The following GABRG3 variants were observed in gnomAD, a reference collection of about 807,000 sequenced individuals.
GABRG3 encodes the protein gamma-aminobutyric acid type A receptor subunit gamma3, also known as gamma-aminobutyric acid receptor subunit gamma-3.
GABRG3 carries 25 observed loss-of-function variants against 48.8 expected under a neutral mutation model. The observed-to-expected ratio is 0.51, with a 90% CI of 0.37 to 0.72. The LOEUF (loss-of-function observed/expected upper bound fraction) is 0.72. Among genes scored for constraint, GABRG3 ranks in the 30% least tolerant of loss-of-function variants. The probability of loss-of-function intolerance (pLI) is 0.00; values close to 1 mark genes in which losing one functional copy is unlikely to be tolerated. For missense variants in GABRG3, 394 were observed against 577.9 expected, an observed-to-expected ratio of 0.68 and a Z score of 3.26; for synonymous variants, 227 against 217.6, an observed-to-expected ratio of 1.04 and a Z score of -0.38.
chr15:27,391,212 A>T (rs901688794), intron 5 of GABRG3, among the ~76,000 whole-genome samples: 1 of 152,188 alleles, frequency 6.6e-6, no homozygotes, highest in Non-Finnish European at 1.5e-5. Flanking sequence ...TTAATATTTT[A>T]TAGGCTTTAT....
chr15:27,520,142 T>C lies in GABRG3; in HGVS notation c.865+18T>C. Reference sequence around the variant, plus strand: ...AGCATTAGGTGAGTTTCAAAAAATCTCTTCCACAAATTTGCGTAATTGTAA... The same window carrying C: ...AGCATTAGGTGAGTTTCAAAAAATCCCTTCCACAAATTTGCGTAATTGTAA... On this transcript the variant is annotated intron_variant, in intron 7 of 9. Transcript: ENST00000615808. 6.3e-7 allele frequency: 1 copy of C among 1,584,430 alleles called. No homozygotes were observed.
rs974914783 is a variant in GABRG3, at chr15:27,230,787, G to A, written c.271-96022G>A. 1.5e-4 allele frequency among the ~76,000 whole-genome samples: 22 copies of A among 147,422 alleles called. No individual in the cohort carries two copies. The East Asian group carries it at 3.6e-3, about 24-fold the overall frequency. The stretch of plus-strand genomic sequence containing the variant: ...TACTTTTGGTATTAAGCCACCAAAC[G>A]ACTTAGCTCAGAAAAAAAAATTAAG... On this transcript the variant is annotated intron_variant, in intron 3 of 9. Coordinates refer to ENST00000615808, the MANE Select transcript of GABRG3 (RefSeq NM_033223.5).
intron 3 of GABRG3, among the ~76,000 whole-genome samples, chr15:27,229,884 CT>C (rs1424565859): frequency 1.3e-5 from 2 of 152,102 alleles, no homozygotes; most frequent in South Asian, 4.2e-4. Flanking sequence ...TATTCAGGCT[CT>C]TTTTTTGGTT....
chr15:27,454,890 G>A (rs1294497252), intron 5 of GABRG3, among the ~76,000 whole-genome samples: 1 of 152,140 alleles, frequency 6.6e-6, no homozygotes, highest in African/African-American at 2.4e-5. Context: ...ATTCAGTTCT[G>A]TACCAAATCT....
At chr15:26,995,012 T>A (rs1306580745) in intron 2 of GABRG3, among the ~76,000 whole-genome samples, 3 of 152,078 alleles carry the variant, frequency 2.0e-5, no homozygotes, top group Non-Finnish European at 4.4e-5. Context: ...TTCTTGTTGA[T>A]CTTCTGTCTA....
chr15:27,283,860 G>A (rs1277669457), intron 3 of GABRG3, among the ~76,000 whole-genome samples: 1 of 152,120 alleles, frequency 6.6e-6, no homozygotes. Context: ...AATTATGAGT[G>A]TAATATCCAG....
At chr15:27,031,121 G>A (rs917229978) in intron 3 of GABRG3, among the ~76,000 whole-genome samples, 8 of 151,246 alleles carry the variant, frequency 5.3e-5, no homozygotes, top group African/African-American at 9.7e-5. Flanking sequence ...TTAACATCTT[G>A]CATTAGTGTA....
intron 3 of GABRG3, among the ~76,000 whole-genome samples, chr15:27,290,385 T>C (rs1025879389): frequency 2.6e-5 from 4 of 151,878 alleles, no homozygotes; most frequent in African/African-American, 7.3e-5. Flanking sequence ...TAAAATGATT[T>C]TCTTTTAAAG....
chr15:27,040,189 C>T (rs956646035), intron 3 of GABRG3, among the ~76,000 whole-genome samples: 1 of 152,200 alleles, frequency 6.6e-6, no homozygotes, highest in Non-Finnish European at 1.5e-5. Context: ...TTGCTGTGTT[C>T]GGGGTGGCCC....
intron 3 of GABRG3, among the ~76,000 whole-genome samples, chr15:27,292,022 G>A (rs1469119877): frequency 2.0e-5 from 3 of 152,154 alleles, no homozygotes; most frequent in African/African-American, 7.2e-5. Context: ...CCACTTATGA[G>A]TGAGAACATG....
intron 6 of GABRG3, among the ~76,000 whole-genome samples, chr15:27,488,338 G>A (rs1489594756): frequency 2.0e-5 from 3 of 152,304 alleles, no homozygotes; most frequent in Admixed American, 6.5e-5. Flanking sequence ...ATTGTACTGT[G>A]ATTGTAACCA....
intron 3 of GABRG3, among the ~76,000 whole-genome samples, chr15:27,251,449 G>C (rs1268269807): frequency 6.6e-6 from 1 of 152,136 alleles, no homozygotes; most frequent in Non-Finnish European, 1.5e-5. Flanking sequence ...AGAATACATG[G>C]AGAGTCCAAT....
intron 9 of GABRG3, chr15:27,530,621 C>T (rs1480570014): frequency 4.2e-6 from 2 of 471,010 alleles, no homozygotes; most frequent in Non-Finnish European, 4.4e-6. Flanking sequence ...CAGAAGCCAT[C>T]CTGCTGCCCT....
At position 27,266,906 on chromosome 15, in the gene GABRG3, A is replaced by C. The variant is rs1045111258; in HGVS notation, c.271-59903A>C. Among the ~76,000 whole-genome samples the C allele has an allele frequency of 3.3e-5, 5 of 152,038 alleles. No homozygotes were observed. The South Asian group carries it at 8.3e-4, about 25-fold the overall frequency. ...AAACTTTGCTAATACCTTTCTTTAT[A>C]GTTTGCATAAGTAATTATATCATCT... is the stretch of plus-strand genomic sequence containing the variant. On this transcript the variant is annotated intron_variant, in intron 3 of 9. Coordinates refer to ENST00000615808, the MANE Select transcript of GABRG3 (RefSeq NM_033223.5).
At chr15:27,345,372 G>A (rs1373273757) in intron 5 of GABRG3, among the ~76,000 whole-genome samples, 1 of 152,100 alleles carries the variant, frequency 6.6e-6, no homozygotes, top group Admixed American at 6.5e-5. Context: ...AATATTAGTA[G>A]TTGCTTTAAA....
At chr15:27,243,069 G>A (rs1382166369) in intron 3 of GABRG3, among the ~76,000 whole-genome samples, 2 of 152,258 alleles carry the variant, frequency 1.3e-5, no homozygotes, top group East Asian at 1.9e-4. Context: ...GACCCGTAGC[G>A]TTTTGATCTC....
At chr15:27,279,465 T>A (rs1013124113) in intron 3 of GABRG3, among the ~76,000 whole-genome samples, 1 of 145,678 alleles carries the variant, frequency 6.9e-6, no homozygotes, top group East Asian at 2.0e-4. Flanking sequence ...AGTTTTAGGT[T>A]CATTTTTTTC....
At chr15:26,995,496 CTA>C (rs893803350) in intron 2 of GABRG3, among the ~76,000 whole-genome samples, 3 of 149,918 alleles carry the variant, frequency 2.0e-5, no homozygotes, top group African/African-American at 7.3e-5. Flanking sequence ...TTTTTTTTCT[CTA>C]TGTGTCTCAA....
At chr15:27,416,395 G>C (rs1421965912) in intron 5 of GABRG3, among the ~76,000 whole-genome samples, 1 of 152,104 alleles carries the variant, frequency 6.6e-6, no homozygotes, top group Non-Finnish European at 1.5e-5. Context: ...GGTCAGTAGG[G>C]CTCTGATAAG....
Sources: gnomAD v4.1 joint callset for allele counts (sites outside exome capture counted in the v4.1 genomes callset) on GRCh38, gnomAD v4.1.1 for gene constraint, MANE v1.5 for transcripts, NCBI Gene and HGNC (gene_info 2026-07-23, HGNC 2026-07-21) for gene names.